Variants in ATR observed in about 807,000 individuals in gnomAD.
ATR encodes the protein ATR checkpoint kinase, also known as serine/threonine-protein kinase ATR.
A neutral mutation model predicts 305.3 loss-of-function variants in ATR; 142 were observed. That is an observed-to-expected ratio of 0.47 (90% confidence interval 0.41 to 0.53). The LOEUF is 0.53. ATR is among the 20% of genes least tolerant of loss of function. ATR has a pLI of 0.00. For synonymous variants in ATR, 1,050 were observed against 1,068.1 expected (o/e 0.98, Z 0.33); for missense variants, 2,135 against 3,133.1 (o/e 0.68, Z 7.60).
Position 142,505,122 on chromosome 3 carries a change from T to C in ATR, c.5196+17A>G. On this transcript the variant is annotated intron_variant, in intron 29 of 46. Coordinates refer to ENST00000350721, the MANE Select transcript of ATR (RefSeq NM_001184.4). ...AGGGCTATTTTCATTACAGTTGCCT[T>C]TCAATTATTATCTTACCTGGTCTGG... 6.2e-7 allele frequency: 1 copy of C among 1,613,870 alleles called. No individual in the cohort carries two copies. The highest frequency in any genetic ancestry group is 8.5e-7 in the Non-Finnish European group (1 of 1,179,790).
At chr3:142,450,268 C>T in intron 46 of ATR, 1 of 735,776 alleles carries the variant, frequency 1.4e-6, no homozygotes. Context: ...AGCCAACTTT[C>T]CCTTTTGCAG....
Position 142,470,196 on chromosome 3 carries a change from A to G in ATR, c.6222-13T>C. On this transcript the variant is annotated splice_polypyrimidine_tract_variant and intron_variant, in intron 36 of 46. Transcript: ENST00000350721. ...ATATTGTAGAGATCTGCAATTATAT[A>G]GACAAGAAACACTATTAGCATAGCT... The G allele has an allele frequency of 6.4e-7, 1 of 1,559,010 alleles. No individual in the cohort carries two copies.
chr3:142,529,461 T>C (rs35560272), intron 21 of ATR, among the ~76,000 whole-genome samples: 1 of 152,206 alleles, frequency 6.6e-6, no homozygotes, highest in Non-Finnish European at 1.5e-5. Context: ...CATTTACATA[T>C]AATTATCCCA....
rs186995167 is a variant in ATR, at chr3:142,451,204, G to A, written c.7762-1602C>T. The stretch of plus-strand genomic sequence containing the variant: ...TCAACTTGTTGGGGATCGAGGTGCA[G>A]TACCACCTGATGCTGCACATCCAGA... On this transcript the variant is annotated intron_variant, in intron 46 of 46. Coordinates refer to ENST00000350721, the MANE Select transcript of ATR (RefSeq NM_001184.4). 1.8e-5 allele frequency: 22 copies of A among 1,190,482 alleles called. No individual in the cohort carries two copies. In the East Asian group the frequency reaches 1.2e-3, roughly 66 times the overall value. 73.7% of individuals were successfully genotyped at this position (1,190,482 alleles called of 1,614,324 possible).
At chr3:142,460,256 A>T (rs1390234136) in intron 42 of ATR, among the ~76,000 whole-genome samples, 2 of 152,136 alleles carry the variant, frequency 1.3e-5, no homozygotes, top group African/African-American at 4.8e-5. Context: ...TTATATAGTG[A>T]TTTATCAGTA....
chr3:142,515,027 T>C (rs1167206765), intron 25 of ATR, among the ~76,000 whole-genome samples: 2 of 152,090 alleles, frequency 1.3e-5, no homozygotes, highest in Non-Finnish European at 2.9e-5. Flanking sequence ...TAACTTCTTT[T>C]AGAAATGCTA....
chr3:142,503,996 A>G (rs1418093008), intron 29 of ATR, among the ~76,000 whole-genome samples: 1 of 152,226 alleles, frequency 6.6e-6, no homozygotes, highest in East Asian at 1.9e-4. Context: ...CTTTAGCACT[A>G]AAAAGTTAAA....
In ATR at chr3:142,553,865, ATGTGC is replaced by A; in HGVS notation, c.2487_2491del (p.Lys829AsnfsTer8). On this transcript the variant is annotated frameshift_variant, in exon 11 of 47. Coordinates refer to ENST00000350721, the MANE Select transcript of ATR (RefSeq NM_001184.4). LOFTEE classifies it high-confidence loss of function. The stretch of plus-strand genomic sequence containing the variant: ...ATCTTCAGAGTCCAAGGATTCCAAT[ATGTGC>A]TTGATATTTCCACTAAAAGCCACTC... The A allele has an allele frequency of 6.2e-7, 1 of 1,613,458 alleles. No homozygotes were observed. Among genetic ancestry groups the A allele is most frequent in the Non-Finnish European group, 8.5e-7 (1 of 1,179,634 alleles).
At chr3:142,570,628 T>C (rs929618798) in intron 1 of ATR, among the ~76,000 whole-genome samples, 10 of 152,236 alleles carry the variant, frequency 6.6e-5, no homozygotes, top group Non-Finnish European at 1.3e-4. Flanking sequence ...CCTCAGGTGA[T>C]CCACCCATCT....
At chr3:142,501,248 C>G (rs2031947650) in intron 30 of ATR, among the ~76,000 whole-genome samples, 1 of 151,196 alleles carries the variant, frequency 6.6e-6, no homozygotes, top group Non-Finnish European at 1.5e-5. Flanking sequence ...AATGTGTAGT[C>G]TATGTCAAAA....
At chr3:142,487,064 G>A (rs564499302) in intron 35 of ATR, among the ~76,000 whole-genome samples, 33 of 151,940 alleles carry the variant, frequency 2.2e-4, no homozygotes, top group Non-Finnish European at 2.5e-4. Context: ...CCTGGGAGGC[G>A]GAGCTTGCAA....
chr3:142,515,324 G>A lies in ATR; in HGVS notation c.4503+71C>T, dbSNP rs567062748. On this transcript the variant is annotated intron_variant, in intron 25 of 46. Transcript: ENST00000350721. ...ACTTCAATGATTATTGTGTGTGCTAGGCATTCAGATAGATGTTCTGGTTTC... is the reference window on the plus strand; with the variant it reads ...ACTTCAATGATTATTGTGTGTGCTAAGCATTCAGATAGATGTTCTGGTTTC... The A allele has an allele frequency of 6.4e-6, 10 of 1,574,540 alleles. No homozygotes were observed. In the East Asian group the frequency reaches 1.1e-4, roughly 18 times the overall value.
chr3:142,480,195 G>GT (rs1414448400), intron 36 of ATR, among the ~76,000 whole-genome samples: 2 of 152,144 alleles, frequency 1.3e-5, no homozygotes, highest in East Asian at 3.9e-4. Flanking sequence ...TTTCTGTTCT[G>GT]TTTTTTCCCC....
At chr3:142,553,089 A>G (rs982699934) in intron 13 of ATR, 138 bp downstream of exon 13, 1 of 1,144,428 alleles carries the variant, frequency 8.7e-7, no homozygotes, top group African/African-American at 1.6e-5. Context: ...ACATGCTGCA[A>G]TATACCCCTG....
intron 45 of ATR, among the ~76,000 whole-genome samples, chr3:142,456,305 T>A (rs548581983): frequency 6.6e-6 from 1 of 152,222 alleles, no homozygotes; most frequent in Admixed American, 6.5e-5. Flanking sequence ...TGGTGGCTCA[T>A]GCCTATAATC....
At chr3:142,451,216 G>A in intron 46 of ATR, 1 of 1,189,312 alleles carries the variant, frequency 8.4e-7, no homozygotes, top group Middle Eastern at 3.7e-4. Flanking sequence ...ACCACCTGAT[G>A]CTGCACATCC....
In ATR at chr3:142,562,429, GTT is replaced by G; in HGVS notation, c.971_972del (p.Lys324ThrfsTer6). 6.2e-7 allele frequency: 1 copy of G among 1,614,102 alleles called. No homozygotes were observed. Among genetic ancestry groups the G allele is most frequent in the Non-Finnish European group, 8.5e-7 (1 of 1,180,006 alleles). ...EPVYLNMLLE[K>X]LCVMFEDGVL... is the part of the protein sequence containing the mutation. ...ACACCGTCTTCAAACATGACACAGA[GTT>G]TTTCCAGCAGCATATTTAAATAGAC... On this transcript the variant is annotated frameshift_variant, in exon 4 of 47. Coordinates refer to ENST00000350721, the MANE Select transcript of ATR (RefSeq NM_001184.4). LOFTEE classifies it high-confidence loss of function.
At chr3:142,503,572 T>A (rs1040777184) in intron 29 of ATR, 119 bp from the exon 30 acceptor site, 18 of 444,556 alleles carry the variant, frequency 4.0e-5, no homozygotes, top group African/African-American at 8.3e-5. Context: ...CTTATTTTTT[T>A]ATTATTATTA....
chr3:142,463,449 T>G lies in ATR; in HGVS notation c.7042-1359A>C, dbSNP rs539230672. 1.8e-3 allele frequency among the ~76,000 whole-genome samples: 280 copies of G among 152,284 alleles called. 1 individual carries two copies. The highest frequency in any genetic ancestry group is 6.2e-3 in the African/African-American group (256 of 41,550). On this transcript the variant is annotated intron_variant, in intron 41 of 46. Coordinates refer to ENST00000350721, the MANE Select transcript of ATR (RefSeq NM_001184.4). The stretch of plus-strand genomic sequence containing the variant: ...TCTCACTCTGTCACCCAGGCTGGAG[T>G]GCAGTGGCACGATCTGGGCTCACTG...
Sources: gnomAD v4.1 joint callset for allele counts (sites outside exome capture counted in the v4.1 genomes callset) on GRCh38, gnomAD v4.1.1 for gene constraint, MANE v1.5 for transcripts, NCBI Gene and HGNC (gene_info 2026-07-23, HGNC 2026-07-21) for gene names.